LAMA2: variants seen among roughly 807,000 people sequenced by gnomAD.
LAMA2 encodes the protein laminin subunit alpha 2.
In LAMA2, 269 loss-of-function variants were observed where a neutral mutation model predicts 364.8. The ratio of observed to expected loss-of-function variants is 0.74; its 90% confidence interval spans 0.67 to 0.82. The LOEUF (loss-of-function observed/expected upper bound fraction) is 0.82, where lower values mean the gene tolerates loss of function less well. Among genes scored for constraint, LAMA2 ranks in the 40% least tolerant of loss-of-function variants. The pLI is 0.00. For missense variants in LAMA2, 3,807 were observed against 3,873.2 expected (o/e 0.98, Z 0.45); for synonymous variants, 1,379 against 1,370.6 (o/e 1.01, Z -0.14).
At chr6:129,139,181 C>G (rs1464990417) in intron 4 of LAMA2, among the ~76,000 whole-genome samples, 1 of 152,052 alleles carries the variant, frequency 6.6e-6, no homozygotes, top group Admixed American at 6.6e-5. Context: ...CATCCAGAGC[C>G]AGACTCAGAG....
chr6:129,452,124 A>G (rs1782705117), intron 45 of LAMA2, among the ~76,000 whole-genome samples: 1 of 152,230 alleles, frequency 6.6e-6, no homozygotes, highest in Non-Finnish European at 1.5e-5. Flanking sequence ...TCTGAGTCCA[A>G]GCAACTATTT....
At chr6:129,217,744 A>G (rs1001959687) in intron 12 of LAMA2, among the ~76,000 whole-genome samples, 3 of 152,206 alleles carry the variant, frequency 2.0e-5, no homozygotes, top group African/African-American at 7.2e-5. Context: ...AAAAAATTAA[A>G]CAAATATCAG....
intron 12 of LAMA2, among the ~76,000 whole-genome samples, chr6:129,195,329 G>C (rs1467491910): frequency 1.3e-5 from 2 of 152,226 alleles, no homozygotes; most frequent in East Asian, 3.9e-4. Context: ...ACACATTTTT[G>C]CTAACATGGA....
intron 35 of LAMA2, among the ~76,000 whole-genome samples, chr6:129,386,401 A>G (rs1168029106): frequency 6.6e-6 from 1 of 152,100 alleles, no homozygotes; most frequent in Non-Finnish European, 1.5e-5. Flanking sequence ...AAAGAGTGAA[A>G]CAGACTTCTA....
chr6:129,383,577 T>C (rs548954260), intron 35 of LAMA2, among the ~76,000 whole-genome samples: 1 of 152,390 alleles, frequency 6.6e-6, no homozygotes, highest in South Asian at 2.1e-4. Flanking sequence ...AGCAAGCTAA[T>C]GTCATCATTC....
At chr6:129,454,720 T>C (rs1267053661) in intron 47 of LAMA2, among the ~76,000 whole-genome samples, 2 of 152,212 alleles carry the variant, frequency 1.3e-5, no homozygotes, top group African/African-American at 4.8e-5. Flanking sequence ...GAAATTCTTA[T>C]GTAACATACC....
rs78299321 is a variant in LAMA2 at position 129,177,904 on chromosome 6, C to T, written c.1467+38C>T. 5,772 of 1,594,474 alleles carry T rather than the reference C, an allele frequency of 3.6e-3. 195 individuals are homozygous for T. In the African/African-American group the frequency reaches 0.068, roughly 19 times the overall value. On this transcript the variant is annotated intron_variant, in intron 10 of 64. Transcript: ENST00000421865. ...TTCCAGTAATGTCCCACTGTCAAGA[C>T]AGAAGGTTATTTTTCTTGGCTTCTC...
intron 1 of LAMA2, among the ~76,000 whole-genome samples, chr6:129,024,056 G>A (rs1019228629): frequency 4.6e-5 from 7 of 152,120 alleles, no homozygotes; most frequent in Admixed American, 4.6e-4. Context: ...CAGTGAAATT[G>A]AAAGGATATT....
intron 1 of LAMA2, among the ~76,000 whole-genome samples, chr6:128,884,127 C>T (rs575253510): frequency 6.6e-6 from 1 of 152,122 alleles, no homozygotes; most frequent in Admixed American, 6.5e-5. Flanking sequence ...ACTTAAATAA[C>T]TTATTCTCCT....
intron 1 of LAMA2, among the ~76,000 whole-genome samples, chr6:129,038,462 T>C (rs945389486): frequency 1.3e-5 from 2 of 152,158 alleles, no homozygotes; most frequent in African/African-American, 4.8e-5. Context: ...AAATATACCA[T>C]ATAACTTGCA....
chr6:129,299,262 G>A (rs1214548533), intron 21 of LAMA2, among the ~76,000 whole-genome samples: 1 of 152,092 alleles, frequency 6.6e-6, no homozygotes, highest in East Asian at 1.9e-4. Flanking sequence ...CCTTGACTGA[G>A]TAATTTTGTT....
Position 129,403,916 on chromosome 6 carries a change from T to A in LAMA2, c.5822T>A (p.Val1941Asp). 1 of 1,613,968 alleles carries A rather than the reference T, an allele frequency of 6.2e-7. No individual in the cohort carries two copies. Among genetic ancestry groups the A allele is most frequent in the Non-Finnish European group, 8.5e-7 (1 of 1,179,902 alleles). The change falls in exon 40 of 65, where the codon GTT (valine) becomes GAT (aspartate). Residue 1941 changes from valine (V) to aspartate (D), a missense_variant. Val to Asp is a radical substitution (Grantham distance 152). This residue lies in a region of LAMA2 where 3,333 missense variants were observed against 3,345.7 expected (regional missense o/e 1.00). Coordinates refer to ENST00000421865, the MANE Select transcript of LAMA2 (RefSeq NM_000426.4). The stretch of plus-strand genomic sequence containing the variant: ...GACTATATTGATGAAGCTGAGAAAG[T>A]TGCCAAAGAAGCCAAAGATCTTGCA... ...IKDYIDEAEK[V>D]AKEAKDLAHE...
At position 129,402,477 on chromosome 6, in the gene LAMA2, G is replaced by A; in HGVS notation, c.5716G>A (p.Val1906Ile). Reference protein sequence around the residue: ...HAAQLNDSSAVLDGILDEAKN... With the variant: ...HAAQLNDSSAILDGILDEAKN... ...AGCTCAGTTGAATGACTCATCTGCT[G>A]TCCTTGATGGGTATGTCATTTGTTT... The change falls in exon 39 of 65, where the codon GTC becomes ATC. Residue 1906 changes from valine (V) to isoleucine (I), a missense_variant. Transcript: ENST00000421865. 6.2e-7 allele frequency: 1 copy of A among 1,614,066 alleles called. No homozygotes were observed. The highest frequency in any genetic ancestry group is 8.5e-7 in the Non-Finnish European group (1 of 1,179,936).
At chr6:129,445,551 C>A in intron 44 of LAMA2, 116 bp from the exon 45 acceptor site, 1 of 878,666 alleles carries the variant, frequency 1.1e-6, no homozygotes, top group Non-Finnish European at 1.9e-6. Flanking sequence ...GCTGTTATGG[C>A]CATGCTTTGT....
At chr6:129,476,663 T>A (rs1015069354) in intron 53 of LAMA2, among the ~76,000 whole-genome samples, 1 of 152,118 alleles carries the variant, frequency 6.6e-6, no homozygotes, top group South Asian at 2.1e-4. Context: ...CTGAAAAAAA[T>A]GGTGATAAGT....
At chr6:129,357,292 A>G (rs1167603969) in intron 32 of LAMA2, among the ~76,000 whole-genome samples, 2 of 152,076 alleles carry the variant, frequency 1.3e-5, no homozygotes, top group African/African-American at 4.8e-5. Flanking sequence ...TGATGTTTAA[A>G]ATAGATTATG....
At chr6:129,405,832 T>C (rs1333717762) in intron 40 of LAMA2, among the ~76,000 whole-genome samples, 1 of 152,154 alleles carries the variant, frequency 6.6e-6, no homozygotes, top group East Asian at 1.9e-4. Flanking sequence ...ATATAAAAGC[T>C]ATAGCTCAAC....
At chr6:129,263,251 C>A (rs566893853) in intron 15 of LAMA2, among the ~76,000 whole-genome samples, 45 of 152,184 alleles carry the variant, frequency 3.0e-4, no homozygotes, top group African/African-American at 1.1e-3. Context: ...AGATATTGTC[C>A]CTGTCCCCAA....
intron 12 of LAMA2, among the ~76,000 whole-genome samples, chr6:129,223,780 G>A (rs1784046781): frequency 6.6e-6 from 1 of 152,178 alleles, no homozygotes; most frequent in African/African-American, 2.4e-5. Context: ...GTAGCATGAT[G>A]CCTCCAGCTT....
Sources: gnomAD v4.1 joint callset for allele counts (sites outside exome capture counted in the v4.1 genomes callset) on GRCh38, gnomAD v4.1.1 for gene constraint, gnomAD v4.1.1 regional missense constraint, MANE v1.5 for transcripts, NCBI Gene and HGNC (gene_info 2026-07-23, HGNC 2026-07-21) for gene names.